ZNF680: variants seen among roughly 807,000 people sequenced by gnomAD.
The protein encoded by ZNF680 is zinc finger protein 680, also known as hypothetical protein FLJ90430.
Under a neutral mutation model 12.1 loss-of-function variants are expected in ZNF680, and 6 were observed. The observed-to-expected ratio is 0.49, with a 90% confidence interval of 0.27 to 0.98. The LOEUF is 0.98. Among genes scored for constraint, ZNF680 ranks in the 50% least tolerant of loss-of-function variants. The probability of loss-of-function intolerance (pLI) is 0.12; values close to 1 mark genes in which losing one functional copy is unlikely to be tolerated. For missense variants in ZNF680, 561 were observed against 616.3 expected, an observed-to-expected ratio of 0.91 and a Z score of 0.95; for synonymous variants, 170 against 199.3, an observed-to-expected ratio of 0.85 and a Z score of 1.24.
rs983357536 is a variant in ZNF680 at position 64,544,240 on chromosome 7, T to C, written c.157+66A>G. 1.3e-5 allele frequency: 20 copies of C among 1,542,560 alleles called. No homozygotes were observed. In the African/African-American group the frequency reaches 2.8e-4, roughly 21 times the overall value. ...ATGCAAAGCACAAATTACCACAAGT[T>C]ATGCAAAAAAAGAGAAATAAAACCT... On this transcript the variant is annotated intron_variant, in intron 2 of 3. Coordinates refer to ENST00000309683, the MANE Select transcript of ZNF680 (RefSeq NM_178558.5).
intron 3 of ZNF680, among the ~76,000 whole-genome samples, chr7:64,530,625 C>T (rs1473231870): frequency 6.6e-6 from 1 of 152,084 alleles, no homozygotes; most frequent in African/African-American, 2.4e-5. Context: ...CTTTGGGAGG[C>T]TGAGGCAGGT....
chr7:64,560,115 GTTT>G (rs35323758), intron 1 of ZNF680, among the ~76,000 whole-genome samples: 2 of 123,498 alleles, frequency 1.6e-5, no homozygotes, highest in Admixed American at 8.2e-5. Context: ...TTTCTTTTCT[GTTT>G]TTTTTTTTTT....
At chr7:64,527,177 G>A (rs1421335475) in intron 3 of ZNF680, among the ~76,000 whole-genome samples, 5 of 152,174 alleles carry the variant, frequency 3.3e-5, no homozygotes, top group African/African-American at 9.7e-5. Context: ...GGCGGAGGCT[G>A]CAGTGAGCCG....
At chr7:64,509,092 T>C in the ZNF680 span, among the ~76,000 whole-genome samples, 1 of 152,192 alleles carries the variant, frequency 6.6e-6, no homozygotes, top group African/African-American at 2.4e-5. Flanking sequence ...CCAATGAGTT[T>C]GAACAGTTGA....
chr7:64,513,416 A>G, the ZNF680 span, among the ~76,000 whole-genome samples: 1 of 152,204 alleles, frequency 6.6e-6, no homozygotes, highest in South Asian at 2.1e-4. Flanking sequence ...AAAATTCAAA[A>G]GGATATTATA....
chr7:64,540,344 G>A (rs966266873), intron 3 of ZNF680, among the ~76,000 whole-genome samples: 17 of 137,690 alleles, frequency 1.2e-4, no homozygotes, highest in African/African-American at 4.2e-4. Context: ...TCGCTCTGTC[G>A]CCCAGGCTGG....
At chr7:64,511,159 A>G in the ZNF680 span, among the ~76,000 whole-genome samples, 1 of 151,618 alleles carries the variant, frequency 6.6e-6, no homozygotes, top group Non-Finnish European at 1.5e-5. Context: ...AATCCCAGCT[A>G]CTTGGGAGGC....
chr7:64,502,036 G>C, the ZNF680 span, among the ~76,000 whole-genome samples: 1 of 116,478 alleles, frequency 8.6e-6, no homozygotes, highest in African/African-American at 3.4e-5. Flanking sequence ...ATGGAGTCTT[G>C]CTCTGTTGCC....
downstream of ZNF680, among the ~76,000 whole-genome samples, chr7:64,515,169 A>G (rs1791324121): frequency 6.6e-6 from 1 of 152,154 alleles, no homozygotes; most frequent in Non-Finnish European, 1.5e-5. Flanking sequence ...ACACTCCTGT[A>G]AATAAAATTT....
Position 64,526,716 on chromosome 7 carries a change from C to T in ZNF680, c.254-4216G>A, listed in dbSNP as rs144504110. On this transcript the variant is annotated intron_variant, in intron 3 of 3. Transcript: ENST00000309683. ...TCTATATGAGAAACTAAAAATAAGT[C>T]TGCATAAATCTGTCGATACCCAATA... 1.8e-3 allele frequency among the ~76,000 whole-genome samples: 271 copies of T among 152,122 alleles called. 2 individuals are homozygous for T. Among genetic ancestry groups the T allele is most frequent in the African/African-American group, 5.9e-3 (244 of 41,518 alleles).
At chr7:64,522,881 A>C (rs191216806) in intron 3 of ZNF680, among the ~76,000 whole-genome samples, 1 of 152,000 alleles carries the variant, frequency 6.6e-6, no homozygotes, top group African/African-American at 2.4e-5. Flanking sequence ...TCATGAAAAA[A>C]ATAGATATCA....
intron 3 of ZNF680, among the ~76,000 whole-genome samples, chr7:64,536,513 T>C (rs1176349463): frequency 1.3e-5 from 2 of 152,200 alleles, no homozygotes; most frequent in African/African-American, 4.8e-5. Flanking sequence ...GTGTAAACTT[T>C]CTGATTACCA....
chr7:64,539,552 G>T lies in ZNF680; in HGVS notation c.253+4155C>A, dbSNP rs1252427143. Among the ~76,000 whole-genome samples, 4 of 151,972 alleles carry T rather than the reference G, an allele frequency of 2.6e-5. No individual in the cohort carries two copies. In the East Asian group the frequency reaches 7.7e-4, roughly 29 times the overall value. ...TCAAGGGCTGAAGAGAGGGTAAAAT[G>T]GGCAGTTGTTACTTAATGTGTACTG... On this transcript the variant is annotated intron_variant, in intron 3 of 3. Coordinates refer to ENST00000309683, the MANE Select transcript of ZNF680 (RefSeq NM_178558.5).
intron 3 of ZNF680, among the ~76,000 whole-genome samples, chr7:64,530,532 A>C (rs1474607137): frequency 7.2e-5 from 11 of 152,222 alleles, no homozygotes; most frequent in African/African-American, 2.2e-4. Context: ...CAGACAAAAC[A>C]AACTTTAAAG....
At chr7:64,537,147 G>A (rs1786210537) in intron 3 of ZNF680, among the ~76,000 whole-genome samples, 1 of 151,958 alleles carries the variant, frequency 6.6e-6, no homozygotes, top group Non-Finnish European at 1.5e-5. Flanking sequence ...ATAAAACTAG[G>A]AATTAAAAGC....
At chr7:64,506,706 T>A in the ZNF680 span, among the ~76,000 whole-genome samples, 2 of 152,226 alleles carry the variant, frequency 1.3e-5, no homozygotes, top group African/African-American at 4.8e-5. Context: ...TTAAAATGAG[T>A]TTAAAATAAT....
chr7:64,516,606 T>C (rs1037970512), downstream of ZNF680, among the ~76,000 whole-genome samples: 3 of 152,190 alleles, frequency 2.0e-5, no homozygotes, highest in African/African-American at 7.2e-5. Context: ...AACTACACCC[T>C]GGAACAAATG....
intron 1 of ZNF680, among the ~76,000 whole-genome samples, chr7:64,548,513 C>A (rs1309880515): frequency 1.3e-5 from 2 of 152,160 alleles, no homozygotes; most frequent in Non-Finnish European, 2.9e-5. Flanking sequence ...AAAATGGAAG[C>A]AATTAGTTTA....
At chr7:64,509,517 G>A in the ZNF680 span, among the ~76,000 whole-genome samples, 1 of 152,280 alleles carries the variant, frequency 6.6e-6, no homozygotes, top group East Asian at 1.9e-4. Flanking sequence ...ATGTATAAAA[G>A]TTAATCAGTC....
Sources: gnomAD v4.1 joint callset for allele counts (sites outside exome capture counted in the v4.1 genomes callset) on GRCh38, gnomAD v4.1.1 for gene constraint, MANE v1.5 for transcripts, NCBI Gene and HGNC (gene_info 2026-07-23, HGNC 2026-07-21) for gene names.